Variants in DAB1 observed in about 807,000 individuals in gnomAD.
The protein encoded by DAB1 is disabled homolog 1.
Under a neutral mutation model 64.6 loss-of-function variants are expected in DAB1, and 15 were observed. The ratio of observed to expected loss-of-function variants is 0.23; its 90% CI spans 0.16 to 0.36. The LOEUF is 0.36. DAB1 is among the 10% of genes least tolerant of loss of function. The probability of loss-of-function intolerance (pLI) is 1.00; values close to 1 mark genes in which losing one functional copy is unlikely to be tolerated. For missense variants in DAB1, 596 were observed against 706.7 expected (o/e 0.84, Z 1.78); for synonymous variants, 235 against 251.9 (o/e 0.93, Z 0.64).
rs72903343 is a variant in DAB1 at position 57,016,977 on chromosome 1, G to C, written c.896-1546C>G. On this transcript the variant is annotated intron_variant, in intron 11 of 14. Transcript: ENST00000371236. ...TACAGGTTGTATGAAGTAGGAGCAG[G>C]GTCAAACTGAGGTTGTCTGTCCCCC... 3.9e-3 allele frequency among the ~76,000 whole-genome samples: 592 copies of C among 152,192 alleles called. 2 individuals carry two copies. Among genetic ancestry groups the C allele is most frequent in the Middle Eastern group, 0.014 (4 of 294 alleles).
intron 4 of DAB1, among the ~76,000 whole-genome samples, chr1:58,281,047 T>C (rs551223509): frequency 4.7e-4 from 71 of 152,168 alleles, no homozygotes; most frequent in African/African-American, 1.7e-3. Flanking sequence ...GCTTGTGTGT[T>C]TGGGGAGAAA....
chr1:58,033,908 A>G (rs1188870348), intron 5 of DAB1, among the ~76,000 whole-genome samples: 1 of 152,158 alleles, frequency 6.6e-6, no homozygotes, highest in Admixed American at 6.5e-5. Flanking sequence ...GTGCTATGAT[A>G]TCCAGGGATG....
chr1:57,816,643 T>C (rs1461011269), intron 6 of DAB1, among the ~76,000 whole-genome samples: 1 of 152,232 alleles, frequency 6.6e-6, no homozygotes, highest in East Asian at 1.9e-4. Flanking sequence ...GGACATTTAA[T>C]GGAGAATTCA....
chr1:57,831,948 G>A (rs1003709834), intron 1 of DAB1, among the ~76,000 whole-genome samples: 1 of 152,092 alleles, frequency 6.6e-6, no homozygotes, highest in African/African-American at 2.4e-5. Context: ...ACACAGACAT[G>A]GCTCTTCCTC....
At chr1:57,514,839 C>T (rs1056324927) in intron 7 of DAB1, among the ~76,000 whole-genome samples, 8 of 152,152 alleles carry the variant, frequency 5.3e-5, no homozygotes, top group African/African-American at 1.9e-4. Context: ...CCTCTGTTTC[C>T]TCATTTATCA....
intron 4 of DAB1, among the ~76,000 whole-genome samples, chr1:58,272,706 C>T (rs1661335328): frequency 6.6e-6 from 1 of 150,930 alleles, no homozygotes; most frequent in Non-Finnish European, 1.5e-5. Context: ...AATCTGGGTG[C>T]TCCTGTATTG....
chr1:57,889,600 C>A (rs1483090389), intron 5 of DAB1, among the ~76,000 whole-genome samples: 1 of 152,220 alleles, frequency 6.6e-6, no homozygotes, highest in Non-Finnish European at 1.5e-5. Flanking sequence ...TGGTGACTAT[C>A]AAAGGACCAG....
chr1:57,320,425 T>C (rs192939887), intron 1 of DAB1, among the ~76,000 whole-genome samples: 1 of 152,354 alleles, frequency 6.6e-6, no homozygotes, highest in East Asian at 1.9e-4. Context: ...TTATGCACAC[T>C]AACTTCTTGA....
At chr1:58,213,339 T>C (rs940566555) in intron 4 of DAB1, among the ~76,000 whole-genome samples, 2 of 152,134 alleles carry the variant, frequency 1.3e-5, no homozygotes, top group South Asian at 4.1e-4. Flanking sequence ...TAGTCTGTTC[T>C]TATGCTGCTA....
intron 6 of DAB1, among the ~76,000 whole-genome samples, chr1:57,737,886 C>A (rs1647774626): frequency 6.6e-6 from 1 of 152,212 alleles, no homozygotes; most frequent in Non-Finnish European, 1.5e-5. Flanking sequence ...ACATCTGCCC[C>A]CCTCTGCCTC....
chr1:57,312,956 GC>G (rs1440593305), intron 1 of DAB1, among the ~76,000 whole-genome samples: 9 of 152,258 alleles, frequency 5.9e-5, no homozygotes, highest in African/African-American at 2.2e-4. Flanking sequence ...CAAGGTCACG[GC>G]AGCGCTTGCT....
intron 4 of DAB1, among the ~76,000 whole-genome samples, chr1:58,338,928 T>C (rs1569659202): frequency 6.6e-6 from 1 of 152,216 alleles, no homozygotes; most frequent in African/African-American, 2.4e-5. Flanking sequence ...TATTGCACCA[T>C]TCCATGTGTA....
At chr1:57,765,176 A>G (rs1244965198) in intron 6 of DAB1, among the ~76,000 whole-genome samples, 1 of 152,188 alleles carries the variant, frequency 6.6e-6, no homozygotes, top group African/African-American at 2.4e-5. Flanking sequence ...GATCAGAGAG[A>G]GAAATTTTGT....
chr1:58,151,000 T>C (rs569013904), intron 4 of DAB1, among the ~76,000 whole-genome samples: 5 of 152,340 alleles, frequency 3.3e-5, no homozygotes, highest in Admixed American at 2.6e-4. Context: ...GCTTCATCCA[T>C]GTCCCTACAA....
intron 2 of DAB1, among the ~76,000 whole-genome samples, chr1:57,193,135 G>A: frequency 6.6e-6 from 1 of 152,112 alleles, no homozygotes; most frequent in East Asian, 1.9e-4. Flanking sequence ...CAGTCACCAT[G>A]TTGTAAAAGA....
rs540059468 is a variant in DAB1 at position 57,952,968 on chromosome 1, C to T, written n.388-68806G>A. Among the ~76,000 whole-genome samples the T allele has an allele frequency of 1.3e-3, 198 of 152,320 alleles. 1 individual carries two copies. Among genetic ancestry groups the T allele is most frequent in the African/African-American group, 4.6e-3 (191 of 41,576 alleles). ...TTCCCTATTGTTCTATTTCCACCTTCTAAGGCCACAAAGAGCAAGTAGAAT... is the reference window on the plus strand; with the variant it reads ...TTCCCTATTGTTCTATTTCCACCTTTTAAGGCCACAAAGAGCAAGTAGAAT... On this transcript the variant is annotated intron_variant and non_coding_transcript_variant, in intron 5 of 20. Transcript: ENST00000485760.
intron 5 of DAB1, among the ~76,000 whole-genome samples, chr1:57,943,293 C>T (rs972593058): frequency 3.2e-4 from 49 of 152,134 alleles, no homozygotes; most frequent in Non-Finnish European, 6.8e-4. Flanking sequence ...CAAGAGTAAA[C>T]CCAATTGCAC....
intron 11 of DAB1, among the ~76,000 whole-genome samples, chr1:57,016,340 G>A (rs1646430832): frequency 6.6e-6 from 1 of 152,070 alleles, no homozygotes; most frequent in Admixed American, 6.6e-5. Context: ...CTAGCACTTT[G>A]GGAGGTCCAG....
chr1:57,226,051 A>T (rs570290657), intron 2 of DAB1, among the ~76,000 whole-genome samples: 1 of 151,568 alleles, frequency 6.6e-6, no homozygotes, highest in Non-Finnish European at 1.5e-5. Flanking sequence ...CTCAATGCTC[A>T]CTCCTTCTCA....
Sources: gnomAD v4.1 joint callset for allele counts (sites outside exome capture counted in the v4.1 genomes callset) on GRCh38, gnomAD v4.1.1 for gene constraint, MANE v1.5 for transcripts, NCBI Gene and HGNC (gene_info 2026-07-23, HGNC 2026-07-21) for gene names.